The following PPP4R3B variants were observed in gnomAD, a reference collection of about 807,000 sequenced individuals.
The protein encoded by PPP4R3B is protein phosphatase 4 regulatory subunit 3B.
PPP4R3B carries 52 observed loss-of-function variants against 95.4 expected under a neutral mutation model. The ratio of observed to expected loss-of-function variants is 0.54; its 90% CI spans 0.44 to 0.69. The LOEUF (loss-of-function observed/expected upper bound fraction) is 0.69. Among genes scored for constraint, PPP4R3B ranks in the 30% least tolerant of loss-of-function variants. The pLI is 0.00. For synonymous variants in PPP4R3B, 407 were observed against 343.9 expected (o/e 1.18, Z -2.03); for missense variants, 1,003 against 1,005.9 (o/e 1.00, Z 0.04).
intron 16 of PPP4R3B, among the ~76,000 whole-genome samples, chr2:55,550,474 G>C (rs1284516239): frequency 6.6e-6 from 1 of 152,168 alleles, no homozygotes; most frequent in South Asian, 2.1e-4. Context: ...TAAATGGCTG[G>C]AGATAAACAC....
rs183329796 is a variant in PPP4R3B, at chr2:55,556,039, C to T, written c.2454+2736G>A. Among the ~76,000 whole-genome samples the T allele has an allele frequency of 1.6e-4, 25 of 152,304 alleles. No individual in the cohort carries two copies. In the East Asian group the frequency reaches 4.8e-3, roughly 29 times the overall value. ...TAATTCATTAGTAGCTAATGTCTAG[C>T]CAGCCTTCAACTATAGCAATTAACA... On this transcript the variant is annotated intron_variant, in intron 16 of 16. Transcript: ENST00000616407.
chr2:55,573,289 T>C (rs374013410), intron 12 of PPP4R3B, among the ~76,000 whole-genome samples: 1 of 152,146 alleles, frequency 6.6e-6, no homozygotes, highest in African/African-American at 2.4e-5. Context: ...AATATCAGGA[T>C]AATTATAAAG....
intron 12 of PPP4R3B, among the ~76,000 whole-genome samples, chr2:55,568,677 G>A (rs962111543): frequency 6.6e-6 from 1 of 152,202 alleles, no homozygotes; most frequent in African/African-American, 2.4e-5. Flanking sequence ...CTCTGTGACA[G>A]AGATTTAAAA....
At chr2:55,603,508 A>C (rs565529217) in intron 3 of PPP4R3B, among the ~76,000 whole-genome samples, 19 of 152,042 alleles carry the variant, frequency 1.2e-4, no homozygotes, top group Non-Finnish European at 2.2e-4. Flanking sequence ...TTCTTTTAAA[A>C]AAATTCTAGT....
intron 12 of PPP4R3B, among the ~76,000 whole-genome samples, chr2:55,569,631 G>A (rs1417991785): frequency 6.6e-6 from 1 of 152,164 alleles, no homozygotes; most frequent in East Asian, 1.9e-4. Flanking sequence ...CCTGTCCAGT[G>A]GACACGTGAC....
intron 2 of PPP4R3B, among the ~76,000 whole-genome samples, chr2:55,611,797 T>G (rs574859229): frequency 6.6e-6 from 1 of 152,176 alleles, no homozygotes; most frequent in African/African-American, 2.4e-5. Flanking sequence ...GGTACAATCA[T>G]GGCTTACTAC....
intron 16 of PPP4R3B, among the ~76,000 whole-genome samples, chr2:55,556,512 G>C (rs1434692295): frequency 6.6e-6 from 1 of 151,878 alleles, no homozygotes; most frequent in Non-Finnish European, 1.5e-5. Context: ...AGAAGACACA[G>C]CTAAAAGAGT....
intron 4 of PPP4R3B, among the ~76,000 whole-genome samples, chr2:55,597,653 T>C (rs998637978): frequency 1.1e-4 from 4 of 37,614 alleles, no homozygotes; most frequent in South Asian, 7.1e-4. Context: ...CAAACAAAAC[T>C]AGCTCGGCGT....
Position 55,564,328 on chromosome 2 carries a change from T to C in PPP4R3B, c.2245A>G (p.Met749Val). 1 of 1,613,334 alleles carries C rather than the reference T, an allele frequency of 6.2e-7. No individual in the cohort carries two copies. Among genetic ancestry groups the C allele is most frequent in the Non-Finnish European group, 8.5e-7 (1 of 1,179,718 alleles). Residue 749 changes from methionine (M) to valine (V), a missense_variant, in exon 15 of 17, where the codon ATG becomes GTG. Physicochemically the swap from Met to Val is conservative, Grantham distance 21 (BLOSUM62 1). Transcript: ENST00000616407. The stretch of plus-strand genomic sequence containing the variant: ...ATTTTAATACCTTTTTTAGTCTCCA[T>C]AAACTTTTCATAATTATCTGGAAAA... ...DDFPDNYEKFMETKKAKESED... is the reference protein window; with the variant it reads ...DDFPDNYEKFVETKKAKESED...
rs1239809309 is a variant in PPP4R3B at position 55,564,382 on chromosome 2, G to C, written c.2191C>G (p.Pro731Ala). Residue 731 changes from proline (P) to alanine (A), a missense_variant, in exon 15 of 17, where the codon CCA becomes GCA. Pro to Ala is a conservative substitution (Grantham distance 27, BLOSUM62 -1). Around this residue, in one of 3 missense-constraint regions of PPP4R3B, gnomAD observed 229 missense variants for 194.7 expected, o/e 1.18. Transcript: ENST00000616407. ...TCTTCTGGCTTAGGTTTTTCCACTG[G>C]TGCCACAACTGCTTTTCCTTCCTCT... ...EEEEGKAVVA[P>A]VEKPKPEDDF... 6.2e-7 allele frequency: 1 copy of C among 1,613,488 alleles called. No individual in the cohort carries two copies. The highest frequency in any genetic ancestry group is 8.5e-7 in the Non-Finnish European group (1 of 1,179,812).
At chr2:55,600,704 T>C (rs1013720209) in intron 3 of PPP4R3B, among the ~76,000 whole-genome samples, 7 of 151,892 alleles carry the variant, frequency 4.6e-5, no homozygotes, top group Non-Finnish European at 1.0e-4. Flanking sequence ...ATCAGAGTGC[T>C]ATCTAATATC....
At chr2:55,570,823 C>A (rs1036572907) in intron 12 of PPP4R3B, among the ~76,000 whole-genome samples, 14 of 152,150 alleles carry the variant, frequency 9.2e-5, no homozygotes, top group South Asian at 4.1e-4. Context: ...GTTAGACTTA[C>A]AATCTTCCCT....
chr2:55,573,522 A>T (rs1688268312), intron 12 of PPP4R3B, 97 bp downstream of exon 12: 1 of 1,123,046 alleles, frequency 8.9e-7, no homozygotes, highest in African/African-American at 1.6e-5. Context: ...CAATCATCTC[A>T]TTCATAGAAT....
In PPP4R3B at chr2:55,564,303, A is replaced by T; in HGVS notation, c.2260+10T>A. 6.2e-7 allele frequency: 1 copy of T among 1,607,110 alleles called. No individual in the cohort carries two copies. The highest frequency in any genetic ancestry group is 8.5e-7 in the Non-Finnish European group (1 of 1,177,624). On this transcript the variant is annotated intron_variant, in intron 15 of 16. Coordinates refer to ENST00000616407, the MANE Select transcript of PPP4R3B (RefSeq NM_001122964.3). ...AGGGTACACTGTGCAAAAATTCCGAATTTTAATACCTTTTTTAGTCTCCAT... is the reference window on the plus strand; with the variant it reads ...AGGGTACACTGTGCAAAAATTCCGATTTTTAATACCTTTTTTAGTCTCCAT...
chr2:55,586,108 T>C (rs1048346354), intron 6 of PPP4R3B, among the ~76,000 whole-genome samples: 1 of 152,214 alleles, frequency 6.6e-6, no homozygotes, highest in Non-Finnish European at 1.5e-5. Context: ...AAAAGTTATA[T>C]TGATTTCAAT....
At chr2:55,616,361 A>G (rs1030743643) in intron 1 of PPP4R3B, among the ~76,000 whole-genome samples, 4 of 152,248 alleles carry the variant, frequency 2.6e-5, no homozygotes, top group Admixed American at 6.5e-5. Context: ...AAATATGTCA[A>G]GACTAAACCT....
intron 7 of PPP4R3B, among the ~76,000 whole-genome samples, chr2:55,581,954 T>A (rs1689505026): frequency 6.6e-6 from 1 of 151,934 alleles, no homozygotes; most frequent in African/African-American, 2.4e-5. Context: ...AGAGCATGCT[T>A]CAACTTATAG....
intron 12 of PPP4R3B, among the ~76,000 whole-genome samples, chr2:55,570,221 G>C (rs769191417): frequency 2.1e-4 from 32 of 152,190 alleles, no homozygotes; most frequent in Non-Finnish European, 3.1e-4. Context: ...CTACACCCCA[G>C]CATGGGTGAC....
intron 14 of PPP4R3B, among the ~76,000 whole-genome samples, 183 bp from the exon 15 acceptor site, chr2:55,564,680 G>A (rs528864593): frequency 6.6e-6 from 1 of 152,318 alleles, no homozygotes; most frequent in African/African-American, 2.4e-5. Context: ...ATTTTAGGAT[G>A]TTGTAAATTA....
Sources: gnomAD v4.1 joint callset for allele counts (sites outside exome capture counted in the v4.1 genomes callset) on GRCh38, gnomAD v4.1.1 for gene constraint, gnomAD v4.1.1 regional missense constraint, MANE v1.5 for transcripts, NCBI Gene and HGNC (gene_info 2026-07-23, HGNC 2026-07-21) for gene names.